STXBP5L: variants seen among roughly 807,000 people sequenced by gnomAD.
The protein encoded by STXBP5L is syntaxin-binding protein 5-like.
Under a neutral mutation model 144.5 loss-of-function variants are expected in STXBP5L, and 65 were observed. That is an observed-to-expected ratio of 0.45 (90% CI 0.37 to 0.55). STXBP5L has a LOEUF of 0.55. Among genes scored for constraint, STXBP5L ranks in the 20% least tolerant of loss-of-function variants. STXBP5L has a pLI of 0.00. For missense variants in STXBP5L, 1,298 were observed against 1,405.5 expected (o/e 0.92, Z 1.22); for synonymous variants, 505 against 469.6 (o/e 1.08, Z -0.97).
intron 21 of STXBP5L, among the ~76,000 whole-genome samples, 186 bp from the exon 22 acceptor site, chr3:121,381,107 C>T (rs956808233): frequency 3.3e-5 from 5 of 152,082 alleles, no homozygotes; most frequent in Admixed American, 6.6e-5. Flanking sequence ...ATGAATTATA[C>T]TTCTAGACTT....
chr3:120,979,594 A>C (rs556032664), intron 3 of STXBP5L, among the ~76,000 whole-genome samples: 1 of 152,046 alleles, frequency 6.6e-6, no homozygotes, highest in Non-Finnish European at 1.5e-5. Flanking sequence ...AGTGAGATGA[A>C]CCCGGTACCT....
intron 3 of STXBP5L, among the ~76,000 whole-genome samples, chr3:121,035,296 C>T (rs1560034182): frequency 6.6e-6 from 1 of 152,062 alleles, no homozygotes; most frequent in Non-Finnish European, 1.5e-5. Context: ...AGGCCAATGT[C>T]CAGAAGAGTT....
At position 120,983,226 on chromosome 3, in the gene STXBP5L, A is replaced by C. The variant is rs555214610; in HGVS notation, c.287+28189A>C. Among the ~76,000 whole-genome samples the C allele has an allele frequency of 5.3e-5, 8 of 152,140 alleles. No individual in the cohort carries two copies. The South Asian group carries it at 1.0e-3, about 20-fold the overall frequency. Reference sequence around the variant, plus strand: ...ACAGGCGTCTGGGGTCTGGCCTCTCAGAGTGGTGCTGGCTTCAGTGGAGAT... The same window carrying C: ...ACAGGCGTCTGGGGTCTGGCCTCTCCGAGTGGTGCTGGCTTCAGTGGAGAT... On this transcript the variant is annotated intron_variant, in intron 3 of 26. Transcript: ENST00000471454.
chr3:120,964,511 G>T (rs1056202210), intron 3 of STXBP5L, among the ~76,000 whole-genome samples: 1 of 152,028 alleles, frequency 6.6e-6, no homozygotes, highest in Non-Finnish European at 1.5e-5. Flanking sequence ...CTTTATTTCT[G>T]CCTTCATTTC....
intron 5 of STXBP5L, among the ~76,000 whole-genome samples, chr3:121,058,090 T>C (rs185286596): frequency 6.6e-6 from 1 of 152,332 alleles, no homozygotes; most frequent in African/African-American, 2.4e-5. Context: ...ATCCGTCATC[T>C]ACATTAGGTA....
chr3:120,964,193 A>G (rs1939257460), intron 3 of STXBP5L, among the ~76,000 whole-genome samples: 1 of 152,096 alleles, frequency 6.6e-6, no homozygotes, highest in South Asian at 2.1e-4. Context: ...CTAGTGGTCT[A>G]TCAATTTTGT....
At chr3:121,253,175 A>G (rs1371516005) in intron 15 of STXBP5L, among the ~76,000 whole-genome samples, 1 of 152,274 alleles carries the variant, frequency 6.6e-6, no homozygotes, top group Non-Finnish European at 1.5e-5. Context: ...GCCAGGCTAT[A>G]GCACGCAATA....
intron 20 of STXBP5L, among the ~76,000 whole-genome samples, chr3:121,323,183 A>G (rs976053859): frequency 2.0e-5 from 3 of 152,168 alleles, no homozygotes; most frequent in African/African-American, 7.2e-5. Flanking sequence ...GCTGTGCAGA[A>G]GCTTTTTAAT....
intron 20 of STXBP5L, among the ~76,000 whole-genome samples, chr3:121,354,906 G>A (rs2045446190): frequency 2.6e-5 from 4 of 152,072 alleles, no homozygotes; most frequent in Admixed American, 2.6e-4. Context: ...AAATCTCTCA[G>A]CATTTGCTTG....
chr3:120,945,112 A>G (rs1439584364), intron 2 of STXBP5L, among the ~76,000 whole-genome samples: 1 of 151,844 alleles, frequency 6.6e-6, no homozygotes, highest in Non-Finnish European at 1.5e-5. Context: ...AATTATATCA[A>G]TTCATGACTT....
chr3:120,910,074 G>A (rs1708751963), intron 2 of STXBP5L, among the ~76,000 whole-genome samples: 1 of 152,228 alleles, frequency 6.6e-6, no homozygotes, highest in African/African-American at 2.4e-5. Flanking sequence ...GCAAATAGTC[G>A]TTTGGTTTTT....
At chr3:121,292,968 G>A (rs2051500311) in intron 19 of STXBP5L, among the ~76,000 whole-genome samples, 2 of 151,948 alleles carry the variant, frequency 1.3e-5, no homozygotes, top group South Asian at 2.1e-4. Context: ...TAAAATCTCA[G>A]GAATCACCAC....
intron 3 of STXBP5L, among the ~76,000 whole-genome samples, chr3:120,963,104 T>C (rs201605298): frequency 6.6e-6 from 1 of 152,094 alleles, no homozygotes; most frequent in Non-Finnish European, 1.5e-5. Flanking sequence ...AAGAATGCTT[T>C]TGATTTTTGC....
intron 3 of STXBP5L, among the ~76,000 whole-genome samples, chr3:120,960,425 G>C (rs1040443053): frequency 3.3e-5 from 5 of 152,100 alleles, no homozygotes; most frequent in Non-Finnish European, 7.4e-5. Flanking sequence ...ACCGAAAGGA[G>C]TATAAATCAT....
intron 9 of STXBP5L, among the ~76,000 whole-genome samples, chr3:121,163,095 C>T (rs1425000515): frequency 6.6e-6 from 1 of 152,208 alleles, no homozygotes; most frequent in African/African-American, 2.4e-5. Context: ...GATTATAAAT[C>T]ATTCTACTAT....
intron 3 of STXBP5L, among the ~76,000 whole-genome samples, chr3:120,988,216 A>G (rs111595674): frequency 1.4e-5 from 2 of 147,268 alleles, no homozygotes; most frequent in African/African-American, 5.0e-5. Flanking sequence ...TGGTACTCTG[A>G]TTTGGTGCTC....
chr3:121,103,226 C>A (rs565156404), intron 5 of STXBP5L, among the ~76,000 whole-genome samples: 7 of 152,024 alleles, frequency 4.6e-5, no homozygotes, highest in African/African-American at 1.7e-4. Context: ...AATTGTTCTA[C>A]CAAAATGTCA....
chr3:120,975,366 A>G (rs962096374), intron 3 of STXBP5L, among the ~76,000 whole-genome samples: 2 of 152,156 alleles, frequency 1.3e-5, no homozygotes, highest in Admixed American at 6.6e-5. Context: ...GTGTATAAGA[A>G]TGCTTGTGAT....
chr3:120,975,753 A>G (rs1049034094), intron 3 of STXBP5L, among the ~76,000 whole-genome samples: 17 of 152,286 alleles, frequency 1.1e-4, no homozygotes, highest in African/African-American at 2.9e-4. Context: ...TTTAGCATGA[A>G]GAGTTGTTGA....
Sources: allele counts gnomAD v4.1 joint callset (sites outside exome capture counted in the v4.1 genomes callset), GRCh38; gene constraint gnomAD v4.1.1; transcripts MANE v1.5; gene names NCBI Gene and HGNC (gene_info 2026-07-23, HGNC 2026-07-21).